Variants in GATAD2B observed in about 807,000 individuals in gnomAD.
The protein encoded by GATAD2B is GATA zinc finger domain containing 2B.
Under a neutral mutation model 64.3 loss-of-function variants are expected in GATAD2B, and 8 were observed. That is an observed-to-expected ratio of 0.12 (90% CI 0.07 to 0.22). The LOEUF (loss-of-function observed/expected upper bound fraction) is 0.22, where lower values mean the gene tolerates loss of function less well. Among genes scored for constraint, GATAD2B ranks in the 10% least tolerant of loss-of-function variants. The pLI, the probability that GATAD2B is intolerant of heterozygous loss-of-function variation, is 1.00. For missense variants in GATAD2B, 453 were observed against 752.0 expected (o/e 0.60, Z 4.65); for synonymous variants, 281 against 271.3 (o/e 1.04, Z -0.35).
At chr1:153,872,594 G>C (rs182842238) in intron 1 of GATAD2B, among the ~76,000 whole-genome samples, 14 of 150,240 alleles carry the variant, frequency 9.3e-5, no homozygotes, top group African/African-American at 3.4e-4. Flanking sequence ...GAAGTGGACC[G>C]TCTCATGGTG....
rs1674472198 is a variant in GATAD2B, at chr1:153,816,086, ACACAC to A, written c.1216+182_1216+186del. On this transcript the variant is annotated intron_variant, in intron 7 of 10. Transcript: ENST00000368655. This position sits in a 1 kb window ranked among gnomAD's most constrained non-coding sequence, Gnocchi z 4.9. ...CACACACACACACACACACACACACACACACACACACACACTCCGCTTCTAACATG... is the reference window on the plus strand; with the variant it reads ...CACACACACACACACACACACACACAACACACACACTCCGCTTCTAACATG... 6.6e-6 allele frequency among the ~76,000 whole-genome samples: 1 copy of A among 151,804 alleles called. No homozygotes were observed. Among genetic ancestry groups the A allele is most frequent in the Non-Finnish European group, 1.5e-5 (1 of 67,910 alleles).
chr1:153,884,311 C>G (rs954034653), intron 1 of GATAD2B, among the ~76,000 whole-genome samples: 3 of 152,182 alleles, frequency 2.0e-5, no homozygotes, highest in Non-Finnish European at 4.4e-5. Context: ...GTGGTGATGG[C>G]GGGTGCCTGT....
intron 1 of GATAD2B, among the ~76,000 whole-genome samples, chr1:153,844,559 C>T (rs186567039): frequency 1.3e-5 from 2 of 151,776 alleles, no homozygotes; most frequent in East Asian, 1.9e-4. Context: ...TAAAGATTAA[C>T]AGGCTTGGAA....
chr1:153,878,760 C>G (rs182674362), intron 1 of GATAD2B, among the ~76,000 whole-genome samples: 57 of 149,678 alleles, frequency 3.8e-4, no homozygotes, highest in Admixed American at 1.8e-3. Flanking sequence ...AACAGTGTGA[C>G]CCATACTTTA....
chr1:153,843,579 AT>A (rs1675574036), intron 1 of GATAD2B, among the ~76,000 whole-genome samples: 1 of 152,066 alleles, frequency 6.6e-6, no homozygotes, highest in Non-Finnish European at 1.5e-5. Flanking sequence ...CCAGCCTTCA[AT>A]TTTTTATATT....
chr1:153,822,516 CTCTG>C (rs1017781330), intron 2 of GATAD2B, among the ~76,000 whole-genome samples: 3 of 152,130 alleles, frequency 2.0e-5, no homozygotes, highest in African/African-American at 4.8e-5. Context: ...GCCAAAGCCT[CTCTG>C]TTTTTCTTTT....
intron 1 of GATAD2B, among the ~76,000 whole-genome samples, chr1:153,905,763 T>C (rs1427109573): frequency 3.0e-5 from 3 of 101,534 alleles, no homozygotes; most frequent in Admixed American, 1.2e-4. Context: ...CAAGAACCAG[T>C]CTCTCAAACA....
At chr1:153,881,007 G>T (rs1254302024) in intron 1 of GATAD2B, among the ~76,000 whole-genome samples, 5 of 152,036 alleles carry the variant, frequency 3.3e-5, no homozygotes, top group Admixed American at 3.3e-4. Flanking sequence ...TGTCAAAAGG[G>T]TATTTTTCTT....
chr1:153,839,221 A>G (rs1284016012), intron 1 of GATAD2B, among the ~76,000 whole-genome samples: 3 of 152,066 alleles, frequency 2.0e-5, no homozygotes, highest in Admixed American at 2.0e-4. Context: ...TTGGACTCCT[A>G]TAAGAAACAA....
intron 2 of GATAD2B, among the ~76,000 whole-genome samples, chr1:153,826,954 A>C (rs35722366): frequency 7.2e-6 from 1 of 139,462 alleles, no homozygotes; most frequent in Non-Finnish European, 1.5e-5. Context: ...AAAAAAAAAA[A>C]AAAAAAAACT....
At chr1:153,901,370 A>G (rs1022757501) in intron 1 of GATAD2B, among the ~76,000 whole-genome samples, 10 of 151,994 alleles carry the variant, frequency 6.6e-5, no homozygotes, top group Non-Finnish European at 1.2e-4. Flanking sequence ...AAATAAAACT[A>G]TCACATCTCC....
At chr1:153,833,631 A>G (rs1024160571) in intron 1 of GATAD2B, among the ~76,000 whole-genome samples, 26 of 152,086 alleles carry the variant, frequency 1.7e-4, no homozygotes, top group African/African-American at 6.0e-4. Context: ...TCTGACCAAC[A>G]TGGTGAAACC....
intron 1 of GATAD2B, among the ~76,000 whole-genome samples, chr1:153,828,716 T>C (rs562758570): frequency 2.6e-5 from 4 of 152,132 alleles, no homozygotes; most frequent in South Asian, 4.2e-4. Flanking sequence ...GTTTGTTATA[T>C]AGGTAAACTG....
rs1050214895 is a variant in GATAD2B at position 153,877,526 on chromosome 1, C to T, written c.-2+45207G>A. Among the ~76,000 whole-genome samples, 30 of 152,036 alleles carry T rather than the reference C, an allele frequency of 2.0e-4. 1 individual carries two copies. The highest frequency in any genetic ancestry group is 7.2e-4 in the African/African-American group (30 of 41,456). Reference sequence around the variant, plus strand: ...GTTTATGCCTTGCTGATTATGACTACATAATCACTAAGATTATCCTCACTA... The same window carrying T: ...GTTTATGCCTTGCTGATTATGACTATATAATCACTAAGATTATCCTCACTA... On this transcript the variant is annotated intron_variant, in intron 1 of 10. Transcript: ENST00000368655.
At chr1:153,896,571 G>A (rs1173612673) in intron 1 of GATAD2B, among the ~76,000 whole-genome samples, 1 of 151,702 alleles carries the variant, frequency 6.6e-6, no homozygotes, top group Non-Finnish European at 1.5e-5. Flanking sequence ...TGAGTAGCTG[G>A]GATTACAAGC....
intron 1 of GATAD2B, among the ~76,000 whole-genome samples, chr1:153,845,217 A>G (rs1016074635): frequency 3.9e-5 from 6 of 152,186 alleles, no homozygotes; most frequent in African/African-American, 1.4e-4. Context: ...TGATCAATGG[A>G]AAAAAACTCA....
rs1273129009 is a variant in GATAD2B, at chr1:153,817,008, T to C, written c.900+364A>G. Among the ~76,000 whole-genome samples, 5 of 152,150 alleles carry C rather than the reference T, an allele frequency of 3.3e-5. No homozygotes were observed. The East Asian group carries it at 7.7e-4, about 23-fold the overall frequency. On this transcript the variant is annotated intron_variant, in intron 6 of 10. Coordinates refer to ENST00000368655, the MANE Select transcript of GATAD2B (RefSeq NM_020699.4). Reference sequence around the variant, plus strand: ...AAGATCATGCCACTGCACTCTAGCCTGGGCAACACAGTGAGATTCCAGCTC... The same window carrying C: ...AAGATCATGCCACTGCACTCTAGCCCGGGCAACACAGTGAGATTCCAGCTC...
At chr1:153,893,244 G>A (rs1677477461) in intron 1 of GATAD2B, among the ~76,000 whole-genome samples, 1 of 152,292 alleles carries the variant, frequency 6.6e-6, no homozygotes, top group Middle Eastern at 3.4e-3. Flanking sequence ...AATTCTGACT[G>A]TTGTTACGAG....
intron 1 of GATAD2B, among the ~76,000 whole-genome samples, chr1:153,902,212 C>T (rs11264559): frequency 0.27 from 41,021 of 151,636 alleles, 6,099 homozygotes; most frequent in Admixed American, 0.38. Flanking sequence ...ACCCAGGAGG[C>T]GGAGGTTGCG....
Sources: gnomAD v4.1 joint callset for allele counts (sites outside exome capture counted in the v4.1 genomes callset) on GRCh38, gnomAD v4.1.1 for gene constraint, Gnocchi (gnomAD v3.1) non-coding constraint, MANE v1.5 for transcripts, NCBI Gene and HGNC (gene_info 2026-07-23, HGNC 2026-07-21) for gene names.